Variants in LARS2 observed in about 807,000 individuals in gnomAD.
LARS2 encodes leucyl-tRNA synthetase 2, mitochondrial.
A neutral mutation model predicts 116.6 loss-of-function variants in LARS2; 81 were observed. The observed-to-expected ratio is 0.69, with a 90% CI of 0.58 to 0.84. The LOEUF (loss-of-function observed/expected upper bound fraction) is 0.84. Among genes scored for constraint, LARS2 ranks in the 40% least tolerant of loss-of-function variants. LARS2 has a pLI of 0.00. For missense variants in LARS2, 968 were observed against 1,114.5 expected, an observed-to-expected ratio of 0.87 and a Z score of 1.87; for synonymous variants, 396 against 407.2, an observed-to-expected ratio of 0.97 and a Z score of 0.33.
chr3:45,433,213 A>G (rs754272905), intron 6 of LARS2, among the ~76,000 whole-genome samples: 6 of 151,974 alleles, frequency 3.9e-5, no homozygotes, highest in Non-Finnish European at 7.4e-5. Context: ...CATTCTTCCA[A>G]TCTCTTTTAA....
At chr3:45,395,824 G>GA (rs1698033744) in intron 3 of LARS2, among the ~76,000 whole-genome samples, 1 of 152,092 alleles carries the variant, frequency 6.6e-6, no homozygotes, top group South Asian at 2.1e-4. Context: ...AATTGCTATT[G>GA]AAAAAGATGT....
chr3:45,395,764 G>A (rs1363365033), intron 3 of LARS2, among the ~76,000 whole-genome samples: 1 of 152,134 alleles, frequency 6.6e-6, no homozygotes, highest in Non-Finnish European at 1.5e-5. Flanking sequence ...GGGGAGGAGA[G>A]CTATTTGTGT....
chr3:45,473,199 T>C (rs996145268), intron 8 of LARS2, among the ~76,000 whole-genome samples: 19 of 152,204 alleles, frequency 1.2e-4, no homozygotes, highest in African/African-American at 4.6e-4. Flanking sequence ...GCCTACACAA[T>C]AACAAACTTA....
At chr3:45,524,456 G>C (rs527774969) in intron 20 of LARS2, among the ~76,000 whole-genome samples, 8 of 152,270 alleles carry the variant, frequency 5.3e-5, no homozygotes, top group African/African-American at 1.9e-4. Flanking sequence ...CACTGTACAG[G>C]TGGAAATTAA....
intron 8 of LARS2, among the ~76,000 whole-genome samples, chr3:45,467,907 A>G (rs1461322983): frequency 6.6e-6 from 1 of 152,128 alleles, no homozygotes; most frequent in African/African-American, 2.4e-5. Context: ...GGCAACTGGC[A>G]AACCTCATCT....
chr3:45,423,043 C>G (rs1698539845), intron 6 of LARS2, among the ~76,000 whole-genome samples: 2 of 152,084 alleles, frequency 1.3e-5, no homozygotes, highest in East Asian at 3.9e-4. Flanking sequence ...TGATGTCTTG[C>G]CTTTGGATTC....
At chr3:45,513,050 C>T (rs1700312231) in intron 15 of LARS2, 85 bp from the exon 16 acceptor site, 17 of 897,590 alleles carry the variant, frequency 1.9e-5, no homozygotes, top group Non-Finnish European at 3.0e-5. Context: ...TACTTCTGCC[C>T]ATCCGAGGGA....
chr3:45,428,050 A>G (rs1364736792), intron 6 of LARS2, among the ~76,000 whole-genome samples: 1 of 151,054 alleles, frequency 6.6e-6, no homozygotes, highest in African/African-American at 2.4e-5. Context: ...CAAACTCCTG[A>G]CCTCAAGTGA....
intron 11 of LARS2, among the ~76,000 whole-genome samples, chr3:45,488,397 C>T (rs1271298290): frequency 6.6e-6 from 1 of 152,208 alleles, no homozygotes; most frequent in Non-Finnish European, 1.5e-5. Context: ...CGTGCCACTG[C>T]ACTCTAACCT....
chr3:45,402,841 C>T (rs1289270293), intron 4 of LARS2, among the ~76,000 whole-genome samples: 1 of 151,958 alleles, frequency 6.6e-6, no homozygotes, highest in Non-Finnish European at 1.5e-5. Context: ...CATGGTGGCT[C>T]ATGCCTGTAA....
chr3:45,478,855 G>A (rs760097299), intron 10 of LARS2, among the ~76,000 whole-genome samples: 2 of 152,180 alleles, frequency 1.3e-5, no homozygotes, highest in Non-Finnish European at 2.9e-5. Flanking sequence ...TGCATTGAGT[G>A]TAATACAATG....
At chr3:45,541,275 A>G (rs367794569) in intron 20 of LARS2, among the ~76,000 whole-genome samples, 2 of 152,202 alleles carry the variant, frequency 1.3e-5, no homozygotes, top group African/African-American at 4.8e-5. Context: ...TGAGCCAAGG[A>G]AAGCTCCTTC....
chr3:45,484,630 A>AAAAAAAAATAT (rs1553634443), intron 10 of LARS2, among the ~76,000 whole-genome samples: 2 of 9,738 alleles, frequency 2.1e-4, no homozygotes, highest in Non-Finnish European at 3.1e-4. Flanking sequence ...AAAAAAAAAA[A>AAAAAAAAATAT]ATATATATAT....
At chr3:45,489,478 T>C (rs1473439659) in intron 12 of LARS2, among the ~76,000 whole-genome samples, 1 of 138,520 alleles carries the variant, frequency 7.2e-6, no homozygotes, top group Non-Finnish European at 1.5e-5. Flanking sequence ...TAGTCCCAGG[T>C]GAGACCCCAA....
chr3:45,524,548 C>G (rs1700506376), intron 20 of LARS2, among the ~76,000 whole-genome samples: 1 of 152,226 alleles, frequency 6.6e-6, no homozygotes, highest in Non-Finnish European at 1.5e-5. Flanking sequence ...GCCTGACTGC[C>G]TGCTTGAATT....
In LARS2 at chr3:45,547,499, C is replaced by T; in HGVS notation, c.2681C>T (p.Thr894Ile). 1 of 1,609,084 alleles carries T rather than the reference C, an allele frequency of 6.2e-7. No individual in the cohort carries two copies. Among genetic ancestry groups the T allele is most frequent in the Non-Finnish European group, 8.5e-7 (1 of 1,178,452 alleles). The change falls in exon 22 of 22, where the codon ACT becomes ATT. Residue 894 changes from threonine to isoleucine, a missense_variant. Thr to Ile is a moderately conservative substitution (Grantham distance 89). Coordinates refer to ENST00000645846, the MANE Select transcript of LARS2 (RefSeq NM_015340.4). ...SIKKSFLSPRTALINFLVQD is the reference protein window; with the variant it reads ...SIKKSFLSPRIALINFLVQD ...AAGAAGTCCTTCCTTTCCCCGAGAA[C>T]TGCCCTCATCAACTTCCTGGTGCAA...
intron 9 of LARS2, 101 bp downstream of exon 9, chr3:45,474,451 A>G (rs1699579984): frequency 1.8e-6 from 1 of 548,812 alleles, no homozygotes; most frequent in Non-Finnish European, 3.1e-6. Flanking sequence ...ACAGCACCAC[A>G]GTCCAAACGT....
chr3:45,504,608 T>C (rs929270646), intron 15 of LARS2, among the ~76,000 whole-genome samples: 5 of 152,086 alleles, frequency 3.3e-5, no homozygotes, highest in Admixed American at 6.6e-5. Context: ...GTTTGTACTT[T>C]AGGTTCTAGA....
intron 20 of LARS2, among the ~76,000 whole-genome samples, chr3:45,534,574 G>A (rs1408679526): frequency 6.6e-6 from 1 of 152,174 alleles, no homozygotes; most frequent in Non-Finnish European, 1.5e-5. Context: ...CCACCAAGGT[G>A]GCATGTCAGA....
Sources: allele counts gnomAD v4.1 joint callset (sites outside exome capture counted in the v4.1 genomes callset), GRCh38; gene constraint gnomAD v4.1.1; transcripts MANE v1.5; gene names NCBI Gene and HGNC (gene_info 2026-07-23, HGNC 2026-07-21).